The following ERC2 variants were observed in gnomAD, a reference collection of about 807,000 sequenced individuals.
ERC2 encodes the protein ERC protein 2.
ERC2 carries 42 observed loss-of-function variants against 114.8 expected under a neutral mutation model. That is an observed-to-expected ratio of 0.37 (90% CI 0.29 to 0.47). The LOEUF is 0.47. ERC2 is among the 20% of genes least tolerant of loss of function. ERC2 has a pLI of 0.99. For missense variants in ERC2, 939 were observed against 1,150.7 expected (o/e 0.82, Z 2.66); for synonymous variants, 454 against 425.5 (o/e 1.07, Z -0.82).
chr3:55,575,176 A>G (rs1447170784), intron 17 of ERC2, among the ~76,000 whole-genome samples: 1 of 152,090 alleles, frequency 6.6e-6, no homozygotes, highest in Non-Finnish European at 1.5e-5. Flanking sequence ...CACTAAGCCC[A>G]GCTAATTTTT....
At chr3:55,714,639 A>ATG (rs34850947) in intron 15 of ERC2, among the ~76,000 whole-genome samples, 112 of 99,816 alleles carry the variant, frequency 1.1e-3, no homozygotes, top group Middle Eastern at 5.1e-3. Flanking sequence ...GTTTGTATAT[A>ATG]TGTGTGTGTG....
At chr3:56,405,273 A>G (rs2060671082) in intron 2 of ERC2, among the ~76,000 whole-genome samples, 1 of 152,084 alleles carries the variant, frequency 6.6e-6, no homozygotes. Flanking sequence ...GTGCAACCTT[A>G]TCTCTACTAA....
intron 15 of ERC2, among the ~76,000 whole-genome samples, chr3:55,728,212 A>G (rs1259706397): frequency 6.6e-6 from 1 of 152,230 alleles, no homozygotes; most frequent in Admixed American, 6.5e-5. Flanking sequence ...TTAGAGATCA[A>G]TGATGAGCAA....
At chr3:55,613,361 A>C (rs2058984638) in intron 17 of ERC2, among the ~76,000 whole-genome samples, 1 of 152,220 alleles carries the variant, frequency 6.6e-6, no homozygotes, top group South Asian at 2.1e-4. Context: ...TGTGACTTTT[A>C]GGGGCACAAA....
At chr3:56,378,531 C>G (rs61688591) in intron 2 of ERC2, among the ~76,000 whole-genome samples, 1 of 145,114 alleles carries the variant, frequency 6.9e-6, no homozygotes, top group Non-Finnish European at 1.5e-5. Flanking sequence ...TGTAACTAAC[C>G]TGCACAATGT....
At chr3:56,184,352 C>T (rs2083464071) in intron 3 of ERC2, among the ~76,000 whole-genome samples, 2 of 152,144 alleles carry the variant, frequency 1.3e-5, no homozygotes, top group African/African-American at 2.4e-5. Context: ...AAATGAAACA[C>T]CATCCCAGGT....
At chr3:55,845,707 C>T (rs553930577) in intron 14 of ERC2, among the ~76,000 whole-genome samples, 1 of 152,312 alleles carries the variant, frequency 6.6e-6, no homozygotes, top group Non-Finnish European at 1.5e-5. Flanking sequence ...AATCTATAAG[C>T]CAGAGTCCAT....
At chr3:56,452,568 C>CA (rs2107524991) in intron 1 of ERC2, among the ~76,000 whole-genome samples, 1 of 152,220 alleles carries the variant, frequency 6.6e-6, no homozygotes, top group Admixed American at 6.5e-5. Flanking sequence ...TATGTTTATA[C>CA]AATTTAAAGT....
At chr3:55,634,202 T>A (rs2059865871) in intron 17 of ERC2, among the ~76,000 whole-genome samples, 1 of 152,188 alleles carries the variant, frequency 6.6e-6, no homozygotes, top group African/African-American at 2.4e-5. Context: ...TTTATAAGAA[T>A]CTGCCCATGC....
chr3:55,690,266 T>A (rs1014837194), intron 16 of ERC2, among the ~76,000 whole-genome samples: 2 of 152,136 alleles, frequency 1.3e-5, no homozygotes, highest in African/African-American at 4.8e-5. Flanking sequence ...GTCCCTTATC[T>A]TTGGAGTGCT....
chr3:56,430,483 T>A (rs1230328021), intron 2 of ERC2, among the ~76,000 whole-genome samples: 1 of 152,202 alleles, frequency 6.6e-6, no homozygotes, highest in African/African-American at 2.4e-5. Context: ...CTGTCCTCCA[T>A]TTTAAGAAAA....
At position 56,421,617 on chromosome 3, in the gene ERC2, A is replaced by G. The variant is rs3856699; in HGVS notation, c.657+12734T>C. Among the ~76,000 whole-genome samples the G allele has an allele frequency of 5.3e-5, 8 of 152,346 alleles. No homozygotes were observed. The East Asian group carries it at 1.5e-3, about 29-fold the overall frequency. On this transcript the variant is annotated intron_variant, in intron 2 of 17. Coordinates refer to ENST00000288221, the MANE Select transcript of ERC2 (RefSeq NM_015576.3). ...AGTGCCGCTTTTTCATAAGAGATATATAAAAATAGATATTAAGAGAGAAAA... is the reference window on the plus strand; with the variant it reads ...AGTGCCGCTTTTTCATAAGAGATATGTAAAAATAGATATTAAGAGAGAAAA...
intron 1 of ERC2, among the ~76,000 whole-genome samples, chr3:56,445,231 T>C (rs1221899270): frequency 2.6e-5 from 4 of 152,202 alleles, no homozygotes; most frequent in African/African-American, 7.2e-5. Flanking sequence ...CATTATCTTA[T>C]ATTCAGTCTG....
At chr3:56,035,569 T>C (rs988278324) in intron 7 of ERC2, among the ~76,000 whole-genome samples, 11 of 152,214 alleles carry the variant, frequency 7.2e-5, no homozygotes, top group Admixed American at 5.9e-4. Flanking sequence ...TCTGCCCTTA[T>C]GAATGGATTA....
chr3:56,277,974 G>A (rs2054112908), intron 3 of ERC2, among the ~76,000 whole-genome samples: 1 of 152,122 alleles, frequency 6.6e-6, no homozygotes, highest in Non-Finnish European at 1.5e-5. Flanking sequence ...TTCCTGTAAG[G>A]CCTTAGGCAG....
At chr3:55,854,393 T>TTGGTG (rs925958285) in intron 14 of ERC2, among the ~76,000 whole-genome samples, 1 of 152,162 alleles carries the variant, frequency 6.6e-6, no homozygotes, top group African/African-American at 2.4e-5. Context: ...TGGTTTTGGT[T>TTGGTG]TGGTTTGGTT....
At chr3:56,203,903 C>T (rs1286957192) in intron 3 of ERC2, among the ~76,000 whole-genome samples, 3 of 152,164 alleles carry the variant, frequency 2.0e-5, no homozygotes, top group Non-Finnish European at 2.9e-5. Context: ...ACTAACAGGC[C>T]GGGCCTGGTG....
intron 3 of ERC2, among the ~76,000 whole-genome samples, chr3:56,229,356 A>T (rs1225662242): frequency 6.6e-6 from 1 of 152,204 alleles, no homozygotes. Context: ...TAGAGCTATC[A>T]TTCTTAAAGC....
At position 55,945,707 on chromosome 3, in the gene ERC2, T is replaced by A. The variant is rs943999002; in HGVS notation, c.2403+4718A>T. Among the ~76,000 whole-genome samples, 6 of 152,260 alleles carry A rather than the reference T, an allele frequency of 3.9e-5. No individual in the cohort carries two copies. The South Asian group carries it at 1.2e-3, about 32-fold the overall frequency. On this transcript the variant is annotated intron_variant, in intron 13 of 17. Transcript: ENST00000288221. ...AAAAATAAAATTGCCTTTCTAGCTT[T>A]TTTTTTTAGAATTCTATTAAAAGGA...
Sources: allele counts gnomAD v4.1 joint callset (sites outside exome capture counted in the v4.1 genomes callset), GRCh38; gene constraint gnomAD v4.1.1; transcripts MANE v1.5; gene names NCBI Gene and HGNC (gene_info 2026-07-23, HGNC 2026-07-21).